The following CDC25C variants were observed in gnomAD, a reference collection of about 807,000 sequenced individuals.
CDC25C encodes M-phase inducer phosphatase 3.
CDC25C carries 48 observed loss-of-function variants against 52.5 expected under a neutral mutation model. The ratio of observed to expected loss-of-function variants is 0.91; its 90% confidence interval spans 0.72 to 1.16. CDC25C has a LOEUF of 1.16. Among genes scored for constraint, CDC25C ranks in the 50% most tolerant of loss-of-function variants. The pLI is 0.00. For missense variants in CDC25C, 510 were observed against 566.1 expected, an observed-to-expected ratio of 0.90 and a Z score of 1.01; for synonymous variants, 187 against 206.5, an observed-to-expected ratio of 0.91 and a Z score of 0.81.
At chr5:138,313,379 CAAAAAAAAAA>C (rs774904685) in intron 7 of CDC25C, among the ~76,000 whole-genome samples, 31 of 37,058 alleles carry the variant, frequency 8.4e-4, no homozygotes, top group African/African-American at 2.2e-3. Context: ...CTATATCTCA[CAAAAAAAAAA>C]AAAAAAAAAA....
At chr5:138,328,766 C>T (rs552661218) in intron 3 of CDC25C, 2 of 367,132 alleles carry the variant, frequency 5.4e-6, no homozygotes, top group Admixed American at 8.5e-5. Flanking sequence ...CACTATGCTA[C>T]CTATGGAGTT....
At chr5:138,332,095 C>G (rs1760442584), upstream of CDC25C, 1 of 161,974 alleles carries the variant, frequency 6.2e-6, no homozygotes, top group South Asian at 2.0e-4. Flanking sequence ...TCTCACCAAT[C>G]TCCACACCCT....
At chr5:138,298,257 T>A (rs1447165331) in intron 7 of CDC25C, among the ~76,000 whole-genome samples, 1 of 150,886 alleles carries the variant, frequency 6.6e-6, no homozygotes, top group South Asian at 2.1e-4. Flanking sequence ...TGCCTTAGCC[T>A]CCCAAAGTGC....
intron 7 of CDC25C, among the ~76,000 whole-genome samples, chr5:138,304,331 CTT>C (rs558050918): frequency 7.0e-4 from 71 of 100,898 alleles, no homozygotes; most frequent in African/African-American, 2.0e-3. Context: ...CCATGCCTGG[CTT>C]TTTTTTTTTT....
chr5:138,317,962 G>C (rs562574814), intron 7 of CDC25C, among the ~76,000 whole-genome samples: 1 of 152,188 alleles, frequency 6.6e-6, no homozygotes, highest in African/African-American at 2.4e-5. Flanking sequence ...CTATTGACTG[G>C]AACCTGTTCA....
chr5:138,322,665 C>T (rs1230435202), intron 6 of CDC25C, among the ~76,000 whole-genome samples: 4 of 151,130 alleles, frequency 2.6e-5, no homozygotes, highest in Non-Finnish European at 5.9e-5. Flanking sequence ...TTAGTAGAGA[C>T]GGGGTTTCAC....
intron 3 of CDC25C, chr5:138,328,770 T>TG (rs1760095744): frequency 2.8e-6 from 1 of 361,376 alleles, no homozygotes; most frequent in African/African-American, 2.1e-5. Context: ...ATGCTACCTA[T>TG]GGAGTTTTTT....
At chr5:138,316,225 T>C (rs1226961514) in intron 7 of CDC25C, among the ~76,000 whole-genome samples, 1 of 152,192 alleles carries the variant, frequency 6.6e-6, no homozygotes, top group East Asian at 1.9e-4. Flanking sequence ...ATATCCCCAC[T>C]TCTCTCTGCT....
chr5:138,317,701 A>AAAC (rs1758999555), intron 7 of CDC25C, among the ~76,000 whole-genome samples: 1 of 149,528 alleles, frequency 6.7e-6, no homozygotes, highest in Non-Finnish European at 1.5e-5. Flanking sequence ...AAAAAAAAAA[A>AAAC]AAAAAACCAA....
chr5:138,329,710 A>C, intron 2 of CDC25C, 63 bp from the exon 3 acceptor site: 1 of 795,174 alleles, frequency 1.3e-6, no homozygotes, highest in Non-Finnish European at 2.1e-6. Context: ...AAAGTCAAAG[A>C]TCATGTCATC....
intron 8 of CDC25C, among the ~76,000 whole-genome samples, chr5:138,291,021 A>G (rs1191797981): frequency 2.6e-5 from 4 of 152,108 alleles, no homozygotes; most frequent in Non-Finnish European, 5.9e-5. Context: ...TGCCACTGCA[A>G]TCCAGCCTGG....
At chr5:138,285,928 G>C (rs1756174594) in intron 13 of CDC25C, 87 bp from the exon 14 acceptor site, 5 of 1,544,636 alleles carry the variant, frequency 3.2e-6, no homozygotes, top group Non-Finnish European at 4.5e-6. Context: ...GCTGGCAGTG[G>C]CTAAGGAGGA....
intron 7 of CDC25C, among the ~76,000 whole-genome samples, chr5:138,300,335 G>C (rs933946838): frequency 6.6e-6 from 1 of 152,116 alleles, no homozygotes; most frequent in African/African-American, 2.4e-5. Flanking sequence ...AGGCTAAGAC[G>C]GGTGGGTTGC....
At chr5:138,293,650 T>C (rs1354542705) in intron 7 of CDC25C, among the ~76,000 whole-genome samples, 1 of 137,904 alleles carries the variant, frequency 7.3e-6, no homozygotes, top group Non-Finnish European at 1.6e-5. Flanking sequence ...GAAACTTATC[T>C]TTTTTTTTTT....
chr5:138,298,660 G>A (rs1005684901), intron 7 of CDC25C, among the ~76,000 whole-genome samples: 27 of 152,010 alleles, frequency 1.8e-4, no homozygotes, highest in African/African-American at 6.5e-4. Context: ...TGAGGCAGGA[G>A]AATCGCTTGA....
chr5:138,333,423 T>C (rs1196921980), upstream of CDC25C: 1 of 152,226 alleles, frequency 6.6e-6, no homozygotes, highest in Admixed American at 6.5e-5. Flanking sequence ...AATACCCTTT[T>C]CATCTGCAGA....
chr5:138,325,538 C>A (rs1221979094), intron 6 of CDC25C, among the ~76,000 whole-genome samples: 2 of 152,174 alleles, frequency 1.3e-5, no homozygotes, highest in African/African-American at 4.8e-5. Context: ...TCCTAAATCC[C>A]TTACACTACA....
At chr5:138,299,534 T>C (rs992148924) in intron 7 of CDC25C, among the ~76,000 whole-genome samples, 5 of 148,600 alleles carry the variant, frequency 3.4e-5, no homozygotes, top group Non-Finnish European at 7.4e-5. Context: ...AAAAGAAAAT[T>C]AAATAACACA....
chr5:138,287,230 A>C lies in CDC25C; in HGVS notation c.965T>G (p.Ile322Ser). 4.3e-6 allele frequency: 7 copies of C among 1,613,992 alleles called. No individual in the cohort carries two copies. The highest frequency in any genetic ancestry group is 5.9e-6 in the Non-Finnish European group (7 of 1,179,938). ...ACAATCAATGACATAAAACTTCTCAATCAGACCCTGGAACTTCCCCGACAG... is the reference window on the plus strand; with the variant it reads ...ACAATCAATGACATAAAACTTCTCACTCAGACCCTGGAACTTCCCCGACAG... ...ALLSGKFQGLIEKFYVIDCRY... is the reference protein window; with the variant it reads ...ALLSGKFQGLSEKFYVIDCRY... Residue 322 changes from isoleucine to serine, a missense_variant, in exon 11 of 14, where the codon ATT becomes AGT. Transcript: ENST00000323760.
Sources: allele counts gnomAD v4.1 joint callset (sites outside exome capture counted in the v4.1 genomes callset), GRCh38; gene constraint gnomAD v4.1.1; transcripts MANE v1.5; gene names NCBI Gene and HGNC (gene_info 2026-07-23, HGNC 2026-07-21).